EPHA5: variants seen among roughly 807,000 people sequenced by gnomAD.
The protein encoded by EPHA5 is EPH receptor A5, also known as ephrin type-A receptor 5.
EPHA5 carries 60 observed loss-of-function variants against 105.0 expected under a neutral mutation model. The observed-to-expected ratio is 0.57, with a 90% CI of 0.46 to 0.71. The LOEUF is 0.71. Among genes scored for constraint, EPHA5 ranks in the 30% least tolerant of loss-of-function variants. The pLI is 0.00. For synonymous variants in EPHA5, 513 were observed against 449.1 expected, an observed-to-expected ratio of 1.14 and a Z score of -1.80; for missense variants, 1,218 against 1,274.7, an observed-to-expected ratio of 0.96 and a Z score of 0.68.
At chr4:65,486,604 C>T (rs1730903269) in intron 5 of EPHA5, among the ~76,000 whole-genome samples, 1 of 152,150 alleles carries the variant, frequency 6.6e-6, no homozygotes, top group Non-Finnish European at 1.5e-5. Flanking sequence ...TTAAAATCTG[C>T]TGAAAAAAGT....
chr4:65,524,947 A>G (rs1303063427), intron 3 of EPHA5, among the ~76,000 whole-genome samples: 1 of 151,772 alleles, frequency 6.6e-6, no homozygotes, highest in Non-Finnish European at 1.5e-5. Context: ...GCTCTGTTCC[A>G]TAATGACACG....
intron 11 of EPHA5, among the ~76,000 whole-genome samples, chr4:65,362,705 A>G (rs1266227683): frequency 6.6e-6 from 1 of 151,662 alleles, no homozygotes; most frequent in Non-Finnish European, 1.5e-5. Context: ...TGCATATACA[A>G]TATATGAGAA....
intron 3 of EPHA5, among the ~76,000 whole-genome samples, chr4:65,531,120 C>A (rs996032804): frequency 2.6e-5 from 4 of 151,144 alleles, no homozygotes; most frequent in African/African-American, 9.7e-5. Flanking sequence ...TCACTGCAAG[C>A]TCCGCTTCCC....
At chr4:65,352,452 TG>T in intron 12 of EPHA5, among the ~76,000 whole-genome samples, 1 of 152,156 alleles carries the variant, frequency 6.6e-6, no homozygotes, top group East Asian at 1.9e-4. Flanking sequence ...ACTAATAAAG[TG>T]GGTTGCCATT....
chr4:65,412,036 C>A (rs770228696), intron 7 of EPHA5, among the ~76,000 whole-genome samples: 31 of 152,258 alleles, frequency 2.0e-4, no homozygotes, highest in Non-Finnish European at 2.8e-4. Context: ...TGAGACCAGA[C>A]TGACCAACAT....
At chr4:65,427,681 G>A (rs998893289) in intron 5 of EPHA5, among the ~76,000 whole-genome samples, 2 of 152,120 alleles carry the variant, frequency 1.3e-5, no homozygotes, top group Admixed American at 1.3e-4. Flanking sequence ...AAAAACCTAA[G>A]CTACAGTTAT....
chr4:65,665,347 A>AT (rs532602682), intron 1 of EPHA5, among the ~76,000 whole-genome samples: 2 of 152,172 alleles, frequency 1.3e-5, no homozygotes, highest in South Asian at 4.1e-4. Flanking sequence ...TAACTAAAGC[A>AT]TAGTTATTTT....
chr4:65,415,422 T>C (rs1723296854), intron 6 of EPHA5, among the ~76,000 whole-genome samples: 1 of 152,086 alleles, frequency 6.6e-6, no homozygotes, highest in African/African-American at 2.4e-5. Flanking sequence ...TTCTTTCTTA[T>C]ATGTAATGTC....
intron 16 of EPHA5, 99 bp downstream of exon 16, chr4:65,331,874 G>T (rs767285993): frequency 1.8e-5 from 27 of 1,465,512 alleles, no homozygotes; most frequent in Non-Finnish European, 2.0e-5. Context: ...CCACACATCC[G>T]CAAAGGTTAA....
chr4:65,350,648 C>T (rs1198180433), intron 13 of EPHA5, among the ~76,000 whole-genome samples: 1 of 152,022 alleles, frequency 6.6e-6, no homozygotes, highest in East Asian at 1.9e-4. Context: ...ACAGATCACC[C>T]ATAACATTCT....
chr4:65,547,608 G>C (rs942830795), intron 3 of EPHA5, among the ~76,000 whole-genome samples: 3 of 152,004 alleles, frequency 2.0e-5, no homozygotes, highest in African/African-American at 7.2e-5. Flanking sequence ...AGGTAATTCA[G>C]GCTAATTTTT....
At chr4:65,333,711 T>C (rs937353017) in intron 15 of EPHA5, among the ~76,000 whole-genome samples, 2 of 149,514 alleles carry the variant, frequency 1.3e-5, no homozygotes, top group Non-Finnish European at 3.0e-5. Flanking sequence ...CTATAGACAA[T>C]TTTACTCATT....
At position 65,412,962 on chromosome 4, in the gene EPHA5, C is replaced by T. The variant is rs1405160653; in HGVS notation, c.1687+1322G>A. 3.9e-5 allele frequency among the ~76,000 whole-genome samples: 6 copies of T among 152,052 alleles called. No individual in the cohort carries two copies. The East Asian group carries it at 5.8e-4, about 15-fold the overall frequency. On this transcript the variant is annotated intron_variant, in intron 7 of 16. Transcript: ENST00000613740. ...CAAGCATAGTTTGAGATTTCATTTA[C>T]GGCTTTGTTCCCAGAGTTGGTAGAC...
Position 65,333,302 on chromosome 4 carries a change from A to C in EPHA5, c.2790-1174T>G, listed in dbSNP as rs184815217. 5.1e-4 allele frequency among the ~76,000 whole-genome samples: 77 copies of C among 151,732 alleles called. 1 individual carries two copies. The highest frequency in any genetic ancestry group is 4.1e-4 in the South Asian group (2 of 4,824). ...GGTTCTCTCTACTTTCTCACATTCC[A>C]TTTACCCTTGAGTATAGTTTCTTCA... On this transcript the variant is annotated intron_variant, in intron 15 of 16. Transcript: ENST00000613740.
chr4:65,333,539 CTGTGTG>C (rs56925203), intron 15 of EPHA5, among the ~76,000 whole-genome samples: 3,665 of 111,776 alleles, frequency 0.033, 60 homozygotes, highest in African/African-American at 0.039. Flanking sequence ...GAGTGTGTGT[CTGTGTG>C]TGTGTGTGTG....
intron 3 of EPHA5, among the ~76,000 whole-genome samples, chr4:65,506,559 G>C (rs1413590332): frequency 6.9e-6 from 1 of 145,292 alleles, no homozygotes; most frequent in Non-Finnish European, 1.5e-5. Flanking sequence ...ATGTGAGATG[G>C]TATCTCATTG....
At chr4:65,433,409 A>G (rs1725174908) in intron 5 of EPHA5, among the ~76,000 whole-genome samples, 1 of 152,248 alleles carries the variant, frequency 6.6e-6, no homozygotes, top group Admixed American at 6.5e-5. Context: ...TTCGCTTAGA[A>G]TGCATAGTGA....
intron 3 of EPHA5, among the ~76,000 whole-genome samples, chr4:65,535,028 T>G (rs1237235010): frequency 6.6e-6 from 1 of 152,194 alleles, no homozygotes; most frequent in East Asian, 1.9e-4. Flanking sequence ...TCATGATTAT[T>G]TTTTCAGTGC....
chr4:65,560,588 A>T (rs1283585468), intron 3 of EPHA5, among the ~76,000 whole-genome samples: 2 of 152,070 alleles, frequency 1.3e-5, no homozygotes, highest in African/African-American at 4.8e-5. Context: ...CCACTCTAGG[A>T]GAGATAGGGG....
Sources: gnomAD v4.1 joint callset for allele counts (sites outside exome capture counted in the v4.1 genomes callset) on GRCh38, gnomAD v4.1.1 for gene constraint, MANE v1.5 for transcripts, NCBI Gene and HGNC (gene_info 2026-07-23, HGNC 2026-07-21) for gene names.